Variants in KNL1 observed in about 807,000 individuals in gnomAD.
KNL1 encodes kinetochore scaffold 1.
A neutral mutation model predicts 201.3 loss-of-function variants in KNL1; 66 were observed. The observed-to-expected ratio is 0.33, with a 90% CI of 0.27 to 0.40. The LOEUF (loss-of-function observed/expected upper bound fraction) is 0.40. Among genes scored for constraint, KNL1 ranks in the 10% least tolerant of loss-of-function variants. The pLI, the probability that KNL1 is intolerant of heterozygous loss-of-function variation, is 1.00. For missense variants in KNL1, 2,815 were observed against 2,690.5 expected, an observed-to-expected ratio of 1.05 and a Z score of -1.02; for synonymous variants, 895 against 899.2, an observed-to-expected ratio of 1.00 and a Z score of 0.08.
chr15:40,650,156 T>A (rs1443376667), intron 17 of KNL1, 145 bp from the exon 18 acceptor site: 14 of 568,344 alleles, frequency 2.5e-5, no homozygotes, highest in Non-Finnish European at 4.0e-5. Flanking sequence ...ACCATCAGAC[T>A]AGAACTTCTG....
chr15:40,622,672 T>C lies in KNL1; in HGVS notation c.2408T>C (p.Val803Ala), dbSNP rs1044316944. ...QLTTMNRQIA[V>A]KVEKCGKSPI... ...ACAACAATGAACAGACAGATAGCTG[T>C]AAAAGTTGAAAAATGTGGTAAAAGT... Residue 803 changes from valine to alanine, a missense_variant, in exon 10 of 26, where the codon GTA (valine) becomes GCA (alanine). Physicochemically the swap from Val to Ala is moderately conservative, Grantham distance 64. Around this residue, in one of 3 missense-constraint regions of KNL1, gnomAD observed 2,464 missense variants for 2,291.7 expected, o/e 1.08. Coordinates refer to ENST00000399668, the MANE Select transcript of KNL1 (RefSeq NM_144508.5). 2.4e-5 allele frequency: 38 copies of C among 1,589,890 alleles called. No homozygotes were observed. Among genetic ancestry groups the C allele is most frequent in the Non-Finnish European group, 3.2e-5 (38 of 1,171,190 alleles).
chr15:40,629,810 C>G (rs539603598), intron 13 of KNL1, among the ~76,000 whole-genome samples: 7 of 151,972 alleles, frequency 4.6e-5, no homozygotes, highest in Non-Finnish European at 7.4e-5. Flanking sequence ...CGAGAGTTTT[C>G]TTATAGTAGA....
chr15:40,661,113 C>T (rs571787296), intron 25 of KNL1, among the ~76,000 whole-genome samples: 1 of 152,236 alleles, frequency 6.6e-6, no homozygotes, highest in East Asian at 1.9e-4. Context: ...GTGGCTCATG[C>T]CTGTAATCCC....
intron 1 of KNL1, among the ~76,000 whole-genome samples, chr15:40,602,055 A>C (rs1396253609): frequency 2.1e-5 from 3 of 145,848 alleles, no homozygotes; most frequent in Non-Finnish European, 4.5e-5. Flanking sequence ...TTTGAGACGG[A>C]GTCTTGCTCT....
intron 19 of KNL1, 86 bp downstream of exon 19, chr15:40,650,669 T>C (rs1893529605): frequency 4.0e-6 from 5 of 1,243,206 alleles, no homozygotes; most frequent in African/African-American, 1.6e-5. Context: ...CTGACAGGAT[T>C]TGGGGACATG....
intron 11 of KNL1, 91 bp downstream of exon 11, chr15:40,628,299 G>A: frequency 7.6e-7 from 1 of 1,311,114 alleles, no homozygotes; most frequent in Non-Finnish European, 1.0e-6. Flanking sequence ...TTTGAATGTT[G>A]TATATGCCTT....
At chr15:40,614,838 G>T (rs1370373817) in intron 7 of KNL1, among the ~76,000 whole-genome samples, 1 of 152,112 alleles carries the variant, frequency 6.6e-6, no homozygotes, top group Non-Finnish European at 1.5e-5. Context: ...TTTTAGAAAA[G>T]GAATTGCTTT....
At chr15:40,615,150 T>C (rs1240730454) in intron 7 of KNL1, among the ~76,000 whole-genome samples, 191 bp from the exon 8 acceptor site, 1 of 152,202 alleles carries the variant, frequency 6.6e-6, no homozygotes, top group Non-Finnish European at 1.5e-5. Context: ...CAGTATTAGA[T>C]GAGTCTTTTT....
At chr15:40,617,794 T>C (rs1892389832) in intron 8 of KNL1, among the ~76,000 whole-genome samples, 1 of 152,052 alleles carries the variant, frequency 6.6e-6, no homozygotes, top group African/African-American at 2.4e-5. Context: ...GTGCTCAGAA[T>C]AGCCTGAACT....
chr15:40,613,822 G>C (rs1892250120), intron 7 of KNL1, among the ~76,000 whole-genome samples: 1 of 151,552 alleles, frequency 6.6e-6, no homozygotes, highest in Admixed American at 6.6e-5. Context: ...TTTTGAGATA[G>C]AGTCTCGCTC....
chr15:40,641,394 G>C lies in KNL1; in HGVS notation c.5798+367G>C, dbSNP rs187656238. 3.3e-5 allele frequency among the ~76,000 whole-genome samples: 5 copies of C among 152,292 alleles called. No homozygotes were observed. The East Asian group carries it at 9.6e-4, about 29-fold the overall frequency. On this transcript the variant is annotated intron_variant, in intron 14 of 25. Coordinates refer to ENST00000399668, the MANE Select transcript of KNL1 (RefSeq NM_144508.5). ...GAATAAACAGTAATTTTTAGATTAT[G>C]ATATCATAAGTTGATTGCTAGAGAA... is the stretch of plus-strand genomic sequence containing the variant.
At chr15:40,651,684 A>G in intron 20 of KNL1, 112 bp downstream of exon 20, 1 of 689,582 alleles carries the variant, frequency 1.5e-6, no homozygotes, top group Non-Finnish European at 2.4e-6. Flanking sequence ...TAACCTATAC[A>G]GTGCTGTTTC....
In KNL1 at chr15:40,600,861, A is replaced by G. The variant is rs185454291; in HGVS notation, c.-17-2054A>G. ...AACTTCACGTTATGCCTCTAAGTTCATATTCTTTCCAGGGCAAATACTCAC... is the reference window on the plus strand; with the variant it reads ...AACTTCACGTTATGCCTCTAAGTTCGTATTCTTTCCAGGGCAAATACTCAC... On this transcript the variant is annotated intron_variant, in intron 1 of 25. Coordinates refer to ENST00000399668, the MANE Select transcript of KNL1 (RefSeq NM_144508.5). 2.3e-4 allele frequency among the ~76,000 whole-genome samples: 35 copies of G among 152,342 alleles called. 2 individuals carry two copies. In the East Asian group the frequency reaches 6.7e-3, roughly 29 times the overall value.
At chr15:40,612,103 G>A (rs2141707678) in intron 7 of KNL1, among the ~76,000 whole-genome samples, 1 of 152,230 alleles carries the variant, frequency 6.6e-6, no homozygotes, top group Admixed American at 6.5e-5. Context: ...AGATCACGAG[G>A]TCAGGAGATC....
chr15:40,607,492 G>A (rs2141702559), intron 4 of KNL1, among the ~76,000 whole-genome samples: 1 of 152,136 alleles, frequency 6.6e-6, no homozygotes, highest in East Asian at 1.9e-4. Flanking sequence ...AAGACTTATG[G>A]TTAGGTATTC....
chr15:40,617,354 T>C (rs1283335748), intron 8 of KNL1, among the ~76,000 whole-genome samples: 1 of 151,680 alleles, frequency 6.6e-6, no homozygotes, highest in Non-Finnish European at 1.5e-5. Context: ...ACTTCAGTGC[T>C]ATCCAAAGTG....
At chr15:40,648,367 G>A (rs1893457340) in intron 17 of KNL1, among the ~76,000 whole-genome samples, 1 of 152,178 alleles carries the variant, frequency 6.6e-6, no homozygotes, top group African/African-American at 2.4e-5. Context: ...AGGAGGTCAA[G>A]ACTACAGTGA....
At chr15:40,636,702 A>G (rs183022762) in intron 13 of KNL1, among the ~76,000 whole-genome samples, 2 of 152,248 alleles carry the variant, frequency 1.3e-5, no homozygotes, top group Admixed American at 1.3e-4. Context: ...GTGGTGGTGC[A>G]TGCCTGTAGT....
Position 40,645,006 on chromosome 15 carries a change from T to C in KNL1, c.5808T>C (p.Leu1936=), listed in dbSNP as rs757924789. The change falls in exon 15 of 26, where the codon CTT becomes CTC. Residue 1936 remains leucine (L), a synonymous_variant. Transcript: ENST00000399668. ...CTTTTCCGTATTTTAGATTAAAGCT[T>C]TCTGCATCGAACCAAGATAAGCTGT... ...ARRQKIEELK[L]SASNQDKLLV... The C allele has an allele frequency of 1.2e-6, 2 of 1,610,124 alleles. No individual in the cohort carries two copies. Among genetic ancestry groups the C allele is most frequent in the Non-Finnish European group, 1.7e-6 (2 of 1,177,438 alleles).
Sources: allele counts gnomAD v4.1 joint callset (sites outside exome capture counted in the v4.1 genomes callset), GRCh38; gene constraint gnomAD v4.1.1; regional missense constraint gnomAD v4.1.1; transcripts MANE v1.5; gene names NCBI Gene and HGNC (gene_info 2026-07-23, HGNC 2026-07-21).